The following ARHGAP39 variants were observed in gnomAD, a reference collection of about 807,000 sequenced individuals.
ARHGAP39 encodes the protein Rho GTPase activating protein 39, also known as rho GTPase-activating protein 39.
A neutral mutation model predicts 106.9 loss-of-function variants in ARHGAP39; 44 were observed. The observed-to-expected ratio is 0.41, with a 90% CI of 0.32 to 0.53. The LOEUF (loss-of-function observed/expected upper bound fraction) is 0.53. ARHGAP39 is among the 20% of genes least tolerant of loss of function. The pLI is 0.21. For synonymous variants in ARHGAP39, 768 were observed against 693.2 expected (o/e 1.11, Z -1.69); for missense variants, 1,496 against 1,577.3 (o/e 0.95, Z 0.87).
intron 1 of ARHGAP39, among the ~76,000 whole-genome samples, chr8:144,630,173 A>G (rs1245545136): frequency 6.6e-6 from 1 of 152,172 alleles, no homozygotes; most frequent in Non-Finnish European, 1.5e-5. Context: ...CTGGTGCCCC[A>G]GCCCCAGCTA....
intron 1 of ARHGAP39, among the ~76,000 whole-genome samples, chr8:144,617,970 T>G (rs572384327): frequency 1.3e-5 from 2 of 151,944 alleles, no homozygotes; most frequent in South Asian, 4.2e-4. Context: ...TTTCTAGAGA[T>G]GGGGTCTCTC....
rs72499140 is a variant in ARHGAP39 at position 144,600,397 on chromosome 8, C to T, written c.80+5138G>A. ...GGGTACCTACCTGCGTGTGTGGAGGCGTGTGTGTGCACTTGTGTACCTGAG... is the reference window on the plus strand; with the variant it reads ...GGGTACCTACCTGCGTGTGTGGAGGTGTGTGTGTGCACTTGTGTACCTGAG... On this transcript the variant is annotated intron_variant, in intron 2 of 11. Transcript: ENST00000377307. Among the ~76,000 whole-genome samples, 489 of 130,032 alleles carry T rather than the reference C, an allele frequency of 3.8e-3. 24 individuals are homozygous for T. In the East Asian group the frequency reaches 0.09, roughly 24 times the overall value. The allele number at this position is 130,032 out of a possible 152,430, so 85.3% of individuals were successfully genotyped here.
In ARHGAP39 at chr8:144,545,483, G is replaced by T. The variant is rs1356879901; in HGVS notation, c.2287C>A (p.Pro763Thr). 6.2e-7 allele frequency: 1 copy of T among 1,603,296 alleles called. No homozygotes were observed. Among genetic ancestry groups the T allele is most frequent in the Admixed American group, 1.7e-5 (1 of 59,818 alleles). Reference sequence around the variant, plus strand: ...GCCACCTCCAGGGCCACGTGCAGTGGGTCGGCCTTGGCCCGCCGGTCACCC... The same window carrying T: ...GCCACCTCCAGGGCCACGTGCAGTGTGTCGGCCTTGGCCCGCCGGTCACCC... Reference protein sequence around the residue: ...YMGDRRAKADPLHVALEVATK... With the variant: ...YMGDRRAKADTLHVALEVATK... Residue 763 changes from proline (P) to threonine (T), a missense_variant, in exon 6 of 12, where the codon CCA becomes ACA. Pro to Thr is a conservative substitution (Grantham distance 38). This residue lies in a region of ARHGAP39 where 470 missense variants were observed against 605.1 expected (regional missense o/e 0.78). Transcript: ENST00000377307.
the ARHGAP39 span, chr8:144,699,039 C>G: frequency 5.4e-6 from 2 of 367,390 alleles, no homozygotes; most frequent in Non-Finnish European, 1.1e-5. Context: ...CCTGGAGTTC[C>G]AGGGCTTCTC....
chr8:144,659,413 A>T (rs1821770368), intron 1 of ARHGAP39, among the ~76,000 whole-genome samples: 1 of 152,184 alleles, frequency 6.6e-6, no homozygotes, highest in Non-Finnish European at 1.5e-5. Flanking sequence ...ATCGTTTTTG[A>T]CCTACAAAAA....
At chr8:144,561,855 T>C (rs138242133) in intron 3 of ARHGAP39, among the ~76,000 whole-genome samples, 9,453 of 113,252 alleles carry the variant, frequency 0.083, 1,120 homozygotes, top group African/African-American at 0.27. Context: ...TGGTTTCCAT[T>C]GGACTCACCC....
chr8:144,556,636 C>G (rs200217834), intron 3 of ARHGAP39, among the ~76,000 whole-genome samples: 2,165 of 117,190 alleles, frequency 0.018, 7 homozygotes, highest in African/African-American at 0.062. Flanking sequence ...AGAGGCAAAG[C>G]CTGAACCTTC....
intron 1 of ARHGAP39, among the ~76,000 whole-genome samples, chr8:144,629,124 A>G (rs987858685): frequency 6.6e-6 from 1 of 152,254 alleles, no homozygotes; most frequent in Non-Finnish European, 1.5e-5. Context: ...CAAAGTGCAC[A>G]GAATGAGTGT....
chr8:144,640,976 T>C (rs1390137517), intron 1 of ARHGAP39, among the ~76,000 whole-genome samples: 1 of 152,234 alleles, frequency 6.6e-6, no homozygotes, highest in Admixed American at 6.5e-5. Flanking sequence ...ATCAACATTG[T>C]GAGGGTCCCA....
chr8:144,530,103 G>A lies in ARHGAP39; in HGVS notation c.*319C>T, dbSNP rs773570142. On this transcript the variant is annotated 3_prime_UTR_variant, in exon 12 of 12. Transcript: ENST00000377307. The stretch of plus-strand genomic sequence containing the variant: ...CCACAGGGAGGCAGCCCGGCCCCAA[G>A]GAGGCAGCGTCGCTCGGCTCCAGGA... 2 of 341,052 alleles carry A rather than the reference G, an allele frequency of 5.9e-6. No homozygotes were observed. The highest frequency in any genetic ancestry group is 1.2e-4 in the East Asian group (2 of 16,976). The allele number at this position is 341,052 out of a possible 1,614,324, so 21.1% of individuals were successfully genotyped here. A position where few individuals can be genotyped will look rare whatever the true frequency, so the allele number is the denominator to read the frequency against.
At chr8:144,685,427 G>A (rs1387375516) in intron 1 of ARHGAP39, among the ~76,000 whole-genome samples, 1 of 150,020 alleles carries the variant, frequency 6.7e-6, no homozygotes, top group Non-Finnish European at 1.5e-5. Context: ...CCGTCGGCGC[G>A]CACCCGGGCC....
intron 2 of ARHGAP39, among the ~76,000 whole-genome samples, chr8:144,583,493 G>T (rs1294349539): frequency 6.6e-6 from 1 of 152,142 alleles, no homozygotes; most frequent in African/African-American, 2.4e-5. Flanking sequence ...GTTCCCCACC[G>T]TAGCATCCTG....
chr8:144,640,890 AGTTAGTTGTCT>A (rs1164103332), intron 1 of ARHGAP39, among the ~76,000 whole-genome samples: 1 of 152,154 alleles, frequency 6.6e-6, no homozygotes, highest in African/African-American at 2.4e-5. Context: ...CGATTCACAC[AGTTAGTTGTCT>A]GTTTTAACCT....
At chr8:144,554,125 T>C (rs541119354) in intron 4 of ARHGAP39, among the ~76,000 whole-genome samples, 3 of 152,270 alleles carry the variant, frequency 2.0e-5, no homozygotes, top group East Asian at 3.9e-4. Flanking sequence ...CCACAGGAAG[T>C]GCGCCAGTGG....
chr8:144,584,491 G>A (rs753052512), intron 2 of ARHGAP39, among the ~76,000 whole-genome samples: 144 of 152,206 alleles, frequency 9.5e-4, no homozygotes, highest in Non-Finnish European at 1.7e-3. Flanking sequence ...GGCCAGGTGC[G>A]GTGGCTCAGG....
At chr8:144,569,213 G>A (rs2011832173) in intron 3 of ARHGAP39, among the ~76,000 whole-genome samples, 1 of 152,190 alleles carries the variant, frequency 6.6e-6, no homozygotes, top group African/African-American at 2.4e-5. Flanking sequence ...GGAACAAAGA[G>A]GGTCAATGAT....
chr8:144,537,951 T>G, intron 6 of ARHGAP39, 138 bp from the exon 7 acceptor site: 1 of 726,090 alleles, frequency 1.4e-6, no homozygotes, highest in East Asian at 2.6e-5. Flanking sequence ...GCTGAGCGTT[T>G]CTGGGGGGAC....
intron 4 of ARHGAP39, among the ~76,000 whole-genome samples, chr8:144,553,909 T>C (rs536021574): frequency 3.9e-5 from 6 of 152,372 alleles, no homozygotes; most frequent in South Asian, 4.1e-4. Context: ...GGGAGCCCAA[T>C]GCCCCACACA....
At chr8:144,674,820 C>T in intron 1 of ARHGAP39, among the ~76,000 whole-genome samples, 1 of 152,226 alleles carries the variant, frequency 6.6e-6, no homozygotes, top group Non-Finnish European at 1.5e-5. Context: ...GCTGGCATGT[C>T]AGTTTTGCCC....
Sources: allele counts gnomAD v4.1 joint callset (sites outside exome capture counted in the v4.1 genomes callset), GRCh38; gene constraint gnomAD v4.1.1; regional missense constraint gnomAD v4.1.1; transcripts MANE v1.5; gene names NCBI Gene and HGNC (gene_info 2026-07-23, HGNC 2026-07-21).